SLC14A2: variants seen among roughly 807,000 people sequenced by gnomAD.
SLC14A2 encodes solute carrier family 14 member 2, also known as urea transporter 2.
SLC14A2 carries 91 observed loss-of-function variants against 104.6 expected under a neutral mutation model. The ratio of observed to expected loss-of-function variants is 0.87; its 90% CI spans 0.73 to 1.04. The LOEUF (loss-of-function observed/expected upper bound fraction) is 1.04, where lower values mean the gene tolerates loss of function less well. Among genes scored for constraint, SLC14A2 ranks in the 50% least tolerant of loss-of-function variants. The probability of loss-of-function intolerance (pLI) is 0.00; values close to 1 mark genes in which losing one functional copy is unlikely to be tolerated. For synonymous variants in SLC14A2, 476 were observed against 466.4 expected, an observed-to-expected ratio of 1.02 and a Z score of -0.27; for missense variants, 1,189 against 1,156.0, an observed-to-expected ratio of 1.03 and a Z score of -0.41.
rs184103202 is a variant in SLC14A2 at position 45,667,960 on chromosome 18, G to A, written c.1845G>A (p.Ala615=). Residue 615 remains alanine, a synonymous_variant, in exon 14 of 20, where the codon GCG becomes GCA. Transcript: ENST00000255226. ...LGLFIQNPWW[A]ISGCLGTIMS... The stretch of plus-strand genomic sequence containing the variant: ...TCTTCATCCAGAACCCCTGGTGGGC[G>A]ATCTCAGGCTGCCTGGGTACCATCA... 791 of 1,614,054 alleles carry A rather than the reference G, an allele frequency of 4.9e-4. 6 individuals are homozygous for A. Among genetic ancestry groups the A allele is most frequent in the East Asian group, 8.0e-4 (36 of 44,870 alleles).
chr18:45,373,886 A>G (rs879481869), intron 1 of SLC14A2, among the ~76,000 whole-genome samples: 1 of 152,232 alleles, frequency 6.6e-6, no homozygotes, highest in Non-Finnish European at 1.5e-5. Context: ...TCAGTGCTCA[A>G]CTATTAAAGT....
chr18:45,439,280 T>TA lies in SLC14A2; in HGVS notation c.-124-43945dup, dbSNP rs200316894. Among the ~76,000 whole-genome samples the TA allele has an allele frequency of 9.9e-3, 1,498 of 151,878 alleles. 16 individuals are homozygous for TA. The highest frequency in any genetic ancestry group is 0.024 in the African/African-American group (994 of 41,430). ...GGCAACAGAGCAAGACTCTATCTCT[T>TA]AAAAAAAATGCCAGGCAAAGTTGCC... On this transcript the variant is annotated intron_variant, in intron 1 of 20. Transcript: ENST00000586448.
Position 45,627,097 on chromosome 18 carries a change from C to T in SLC14A2, c.471C>T (p.Gly157=), listed in dbSNP as rs748632999. ...IQNPWWTITG[G]LGTVVSTLTA... is the part of the protein sequence containing the mutation. ...ATCCCTGGTGGACAATCACTGGGGG[C>T]CTGGGGACAGTGGTCTCGACCTTAA... Residue 157 remains glycine, a synonymous_variant, in exon 4 of 20, where the codon GGC becomes GGT. Coordinates refer to ENST00000255226, the MANE Select transcript of SLC14A2 (RefSeq NM_007163.4). 6.2e-7 allele frequency: 1 copy of T among 1,614,084 alleles called. No homozygotes were observed. Among genetic ancestry groups the T allele is most frequent in the South Asian group, 1.1e-5 (1 of 91,072 alleles).
intron 1 of SLC14A2, among the ~76,000 whole-genome samples, chr18:45,311,561 G>A (rs2085079274): frequency 6.6e-6 from 1 of 152,196 alleles, no homozygotes. Flanking sequence ...AAGCAGAGGT[G>A]AGTTAAAGAC....
intron 2 of SLC14A2, among the ~76,000 whole-genome samples, chr18:45,551,960 A>T (rs944524977): frequency 6.6e-6 from 1 of 152,140 alleles, no homozygotes; most frequent in African/African-American, 2.4e-5. Context: ...GTTTAAAGTT[A>T]ATTTGCATCT....
At chr18:45,346,857 G>A (rs2085453242) in intron 1 of SLC14A2, among the ~76,000 whole-genome samples, 1 of 151,944 alleles carries the variant, frequency 6.6e-6, no homozygotes, top group Non-Finnish European at 1.5e-5. Context: ...AGCTACTTGG[G>A]AGGCTGAGGC....
chr18:45,464,845 AT>A (rs1461464559), intron 1 of SLC14A2, among the ~76,000 whole-genome samples: 3 of 152,186 alleles, frequency 2.0e-5, no homozygotes, highest in African/African-American at 7.2e-5. Context: ...TCTGGGCCCA[AT>A]GCCAACCTCC....
intron 2 of SLC14A2, among the ~76,000 whole-genome samples, chr18:45,593,244 G>C (rs1014879838): frequency 8.6e-5 from 13 of 151,708 alleles, no homozygotes; most frequent in African/African-American, 2.9e-4. Flanking sequence ...GTGAACCCGG[G>C]AGGCGGAGCT....
At chr18:45,187,616 G>A in the SLC14A2 span, among the ~76,000 whole-genome samples, 1 of 151,974 alleles carries the variant, frequency 6.6e-6, no homozygotes, top group Non-Finnish European at 1.5e-5. Context: ...TGGCATTAAC[G>A]TGTGGTTGCC....
At chr18:45,611,397 C>T (rs2044969801), upstream of SLC14A2, among the ~76,000 whole-genome samples, 1 of 152,130 alleles carries the variant, frequency 6.6e-6, no homozygotes, top group African/African-American at 2.4e-5. Context: ...GAAGGTAGCT[C>T]AAGGGCCTAA....
chr18:45,398,101 A>G (rs2086056248), intron 1 of SLC14A2, among the ~76,000 whole-genome samples: 1 of 152,200 alleles, frequency 6.6e-6, no homozygotes, highest in Admixed American at 6.5e-5. Flanking sequence ...ATTTATGTAT[A>G]GAAATTACTT....
intron 1 of SLC14A2, among the ~76,000 whole-genome samples, chr18:45,472,020 T>A (rs1205387688): frequency 6.6e-6 from 1 of 152,058 alleles, no homozygotes. Flanking sequence ...AATGCTATCC[T>A]TCCCCTAGCC....
chr18:45,219,084 A>G (rs62092118), intron 1 of SLC14A2, among the ~76,000 whole-genome samples: 18,538 of 152,206 alleles, frequency 0.12, 1,170 homozygotes, highest in African/African-American at 0.14. Flanking sequence ...AGTCCTCTCA[A>G]AGCGCTGACC....
chr18:45,183,871 T>C, the SLC14A2 span, among the ~76,000 whole-genome samples: 3 of 149,782 alleles, frequency 2.0e-5, no homozygotes, highest in Non-Finnish European at 4.4e-5. Context: ...AAGCTGGAAC[T>C]GTAGGCAGCA....
At chr18:45,554,574 G>A (rs901017090) in intron 2 of SLC14A2, among the ~76,000 whole-genome samples, 1 of 152,014 alleles carries the variant, frequency 6.6e-6, no homozygotes, top group Admixed American at 6.6e-5. Context: ...TACTGTCTGC[G>A]CATGGCCACA....
chr18:45,524,971 T>C (rs1285402769), intron 2 of SLC14A2, among the ~76,000 whole-genome samples: 1 of 152,208 alleles, frequency 6.6e-6, no homozygotes, highest in Non-Finnish European at 1.5e-5. Flanking sequence ...GATGAAATGT[T>C]GAAGTCAAAT....
intron 2 of SLC14A2, chr18:45,492,026 C>T (rs1050351758): frequency 1.2e-4 from 18 of 152,404 alleles, no homozygotes; most frequent in African/African-American, 4.3e-4. Flanking sequence ...CCCCAGGACT[C>T]AATCTCTTTC....
chr18:45,262,124 A>T (rs1374716339), intron 1 of SLC14A2, among the ~76,000 whole-genome samples: 2 of 152,210 alleles, frequency 1.3e-5, no homozygotes, highest in Non-Finnish European at 2.9e-5. Flanking sequence ...ATGGTATCTC[A>T]TTGTGGTTTT....
chr18:45,312,676 C>T lies in SLC14A2; in HGVS notation c.-125+99485C>T, dbSNP rs564316236. ...TGCAATCAGCTGAAAGCCTGATCTT[C>T]GCTGTGGGCTAATTGCTCGTCTGGT... On this transcript the variant is annotated intron_variant, in intron 1 of 20. Transcript: ENST00000586448. 4.6e-5 allele frequency among the ~76,000 whole-genome samples: 7 copies of T among 152,218 alleles called. No individual in the cohort carries two copies. The South Asian group carries it at 1.0e-3, about 23-fold the overall frequency.
Sources: allele counts gnomAD v4.1 joint callset (sites outside exome capture counted in the v4.1 genomes callset), GRCh38; gene constraint gnomAD v4.1.1; transcripts MANE v1.5; gene names NCBI Gene and HGNC (gene_info 2026-07-23, HGNC 2026-07-21).